Variants in INTS9 observed in about 807,000 individuals in gnomAD.
INTS9 encodes the protein integrator complex subunit 9.
In INTS9, 55 loss-of-function variants were observed where a neutral mutation model predicts 79.7. The observed-to-expected ratio is 0.69, with a 90% CI of 0.56 to 0.86. The LOEUF (loss-of-function observed/expected upper bound fraction) is 0.86, where lower values mean the gene tolerates loss of function less well. Ranked by LOEUF, INTS9 falls within the 40% of genes least tolerant of loss-of-function variation. INTS9 has a pLI of 0.00. For missense variants in INTS9, 721 were observed against 831.5 expected (o/e 0.87, Z 1.64); for synonymous variants, 319 against 325.2 (o/e 0.98, Z 0.20).
chr8:28,889,799 C>A, intron 1 of INTS9, 75 bp downstream of exon 1: 1 of 1,568,250 alleles, frequency 6.4e-7, no homozygotes, highest in Non-Finnish European at 8.7e-7. Flanking sequence ...CGATTCCCTG[C>A]CCAACGTAGG....
intron 2 of INTS9, among the ~76,000 whole-genome samples, chr8:28,855,415 G>A (rs1808095143): frequency 6.6e-6 from 1 of 152,198 alleles, no homozygotes; most frequent in African/African-American, 2.4e-5. Context: ...AGATGACTGT[G>A]GGGAAAATGG....
At chr8:28,783,621 C>G (rs928929180) in intron 11 of INTS9, 2 of 152,218 alleles carry the variant, frequency 1.3e-5, no homozygotes, top group Non-Finnish European at 2.9e-5. Context: ...CCTTGAAGAC[C>G]TCATCTTTAA....
chr8:28,834,698 C>G (rs911300487), intron 6 of INTS9, among the ~76,000 whole-genome samples: 1 of 142,212 alleles, frequency 7.0e-6, no homozygotes, highest in African/African-American at 2.6e-5. Flanking sequence ...TTTTTTGAGA[C>G]AGAGTTTCAC....
Position 28,780,921 on chromosome 8 carries a change from C to T in INTS9, c.1172G>A (p.Cys391Tyr), listed in dbSNP as rs771652177. The T allele has an allele frequency of 5.0e-6, 8 of 1,614,052 alleles. No homozygotes were observed. The highest frequency in any genetic ancestry group is 6.8e-6 in the Non-Finnish European group (8 of 1,180,022). The change falls in exon 12 of 17, where the codon TGT becomes TAT. Residue 391 changes from cysteine to tyrosine, a missense_variant. By Grantham distance (194) the Cys-to-Tyr change is radical. Transcript: ENST00000521022. The part of the protein sequence containing the change: ...GDFSNDFRQP[C>Y]VVFTGHPSLR... ...GGAAGGGTGCCCGGTGAACACCACA[C>T]AGGGCTGTCTAAAGTCGTTGCTGAA...
chr8:28,820,908 T>C (rs1253332772), intron 6 of INTS9, among the ~76,000 whole-genome samples: 1 of 144,812 alleles, frequency 6.9e-6, no homozygotes, highest in African/African-American at 2.6e-5. Context: ...ACAGATAAGG[T>C]AAAAGTGTAA....
At chr8:28,859,158 A>G (rs1364954464) in intron 2 of INTS9, among the ~76,000 whole-genome samples, 1 of 152,236 alleles carries the variant, frequency 6.6e-6, no homozygotes, top group Non-Finnish European at 1.5e-5. Context: ...TATGTGAATT[A>G]GCAAGAAAGA....
intron 3 of INTS9, among the ~76,000 whole-genome samples, chr8:28,848,502 C>T (rs544340864): frequency 5.3e-5 from 8 of 152,252 alleles, no homozygotes; most frequent in East Asian, 3.9e-4. Flanking sequence ...ATTTAACTAG[C>T]GACAGGTGGA....
chr8:28,772,449 G>A (rs1014236069), intron 14 of INTS9, among the ~76,000 whole-genome samples: 3 of 152,098 alleles, frequency 2.0e-5, no homozygotes, highest in African/African-American at 7.2e-5. Context: ...GGAGGCAGAG[G>A]TTGCAGTGAG....
intron 2 of INTS9, among the ~76,000 whole-genome samples, chr8:28,852,230 TAAA>T: frequency 6.7e-6 from 1 of 148,354 alleles, no homozygotes; most frequent in Non-Finnish European, 1.5e-5. Flanking sequence ...CTCAAAAAAA[TAAA>T]AAAAGAAAAT....
intron 8 of INTS9, chr8:28,799,431 C>A (rs1804403524): frequency 6.6e-6 from 1 of 152,196 alleles, no homozygotes; most frequent in Non-Finnish European, 1.5e-5. Context: ...GTACGAATGT[C>A]GAATGTCACC....
intron 6 of INTS9, among the ~76,000 whole-genome samples, chr8:28,819,201 A>C (rs2031884619): frequency 1.3e-5 from 2 of 151,910 alleles, no homozygotes; most frequent in African/African-American, 4.8e-5. Context: ...CTAGCTTTTG[A>C]ATGTGTTTGC....
intron 10 of INTS9, among the ~76,000 whole-genome samples, chr8:28,790,992 G>C (rs6558080): frequency 0.2 from 30,084 of 151,984 alleles, 3,372 homozygotes; most frequent in East Asian, 0.47. Context: ...TTTTGTTTGG[G>C]GTCAACACGA....
intron 8 of INTS9, among the ~76,000 whole-genome samples, chr8:28,801,914 G>A (rs902097608): frequency 6.6e-6 from 1 of 152,300 alleles, no homozygotes; most frequent in Admixed American, 6.5e-5. Flanking sequence ...GGCCCAACCA[G>A]TGCCAGAGTC....
chr8:28,878,478 A>T (rs1236906704), intron 1 of INTS9, among the ~76,000 whole-genome samples: 1 of 129,632 alleles, frequency 7.7e-6, no homozygotes, highest in African/African-American at 3.5e-5. Flanking sequence ...ACATCCAGCT[A>T]AAAAAAAAAA....
chr8:28,794,125 T>G lies in INTS9; in HGVS notation c.857-138A>C, dbSNP rs190649070. On this transcript the variant is annotated intron_variant, in intron 9 of 16. Transcript: ENST00000521022. The stretch of plus-strand genomic sequence containing the variant: ...TTACTTACATGTCTAATAAGCTGCT[T>G]CTTTTGAAGAACACATCAAAGCAGG... 3.4e-5 allele frequency: 22 copies of G among 640,820 alleles called. 1 individual carries two copies. The highest frequency in any genetic ancestry group is 2.0e-4 in the African/African-American group (11 of 54,902). 39.7% of individuals were successfully genotyped at this position (640,820 alleles called of 1,614,324 possible). A position where few individuals can be genotyped will look rare whatever the true frequency, so the allele number is the denominator to read the frequency against.
chr8:28,874,482 A>G (rs1171229220), intron 1 of INTS9, among the ~76,000 whole-genome samples: 1 of 151,218 alleles, frequency 6.6e-6, no homozygotes, highest in Non-Finnish European at 1.5e-5. Context: ...TTTAGTAGAG[A>G]TGGGGTTTCA....
At chr8:28,768,475 T>C (rs767308953) in intron 16 of INTS9, 153 bp from the exon 17 acceptor site, 5 of 691,510 alleles carry the variant, frequency 7.2e-6, no homozygotes, top group Non-Finnish European at 1.2e-5. Context: ...TAGTGATAGT[T>C]TCTTATACTT....
intron 1 of INTS9, among the ~76,000 whole-genome samples, chr8:28,885,158 G>A (rs1323462143): frequency 1.3e-5 from 2 of 152,184 alleles, no homozygotes; most frequent in African/African-American, 4.8e-5. Flanking sequence ...TGAGCCAGTA[G>A]AAATGAAACA....
chr8:28,768,099 C>T lies in INTS9; in HGVS notation c.*47G>A. 6.3e-7 allele frequency: 1 copy of T among 1,580,278 alleles called. No homozygotes were observed. The highest frequency in any genetic ancestry group is 8.7e-7 in the Non-Finnish European group (1 of 1,151,582). On this transcript the variant is annotated 3_prime_UTR_variant, in exon 17 of 17. Coordinates refer to ENST00000521022, the MANE Select transcript of INTS9 (RefSeq NM_018250.4). ...CTCCTCAGGTGGCTTGTGAGGGCAG[C>T]CAGTGAGGGACTGCAGGATTTCAGG...
Sources: allele counts gnomAD v4.1 joint callset (sites outside exome capture counted in the v4.1 genomes callset), GRCh38; gene constraint gnomAD v4.1.1; transcripts MANE v1.5; gene names NCBI Gene and HGNC (gene_info 2026-07-23, HGNC 2026-07-21).